Variants in KIAA0753 observed in about 807,000 individuals in gnomAD.
KIAA0753 encodes the protein protein moonraker.
KIAA0753 carries 114 observed loss-of-function variants against 116.9 expected under a neutral mutation model. That is an observed-to-expected ratio of 0.98 (90% CI 0.84 to 1.14). The LOEUF (loss-of-function observed/expected upper bound fraction) is 1.14, where lower values mean the gene tolerates loss of function less well. KIAA0753 is among the 50% of genes most tolerant of loss of function. The probability of loss-of-function intolerance (pLI) is 0.00; values close to 1 mark genes in which losing one functional copy is unlikely to be tolerated. For synonymous variants in KIAA0753, 405 were observed against 413.1 expected, an observed-to-expected ratio of 0.98 and a Z score of 0.24; for missense variants, 1,156 against 1,172.4, an observed-to-expected ratio of 0.99 and a Z score of 0.20.
At position 6,579,431 on chromosome 17, in the gene KIAA0753, C is replaced by A. The variant is rs977219894; in HGVS notation, c.*316G>T. On this transcript the variant is annotated 3_prime_UTR_variant, in exon 19 of 19. Coordinates refer to ENST00000361413, the MANE Select transcript of KIAA0753 (RefSeq NM_014804.3). The stretch of plus-strand genomic sequence containing the variant: ...CGATTATCTTTCAAAACATTTTCAT[C>A]ACCAAACTGAGCCAGAGGAATGAAC... The A allele has an allele frequency of 1.3e-5, 3 of 232,172 alleles. No individual in the cohort carries two copies. The highest frequency in any genetic ancestry group is 2.5e-5 in the Non-Finnish European group (3 of 117,860). The allele number at this position is 232,172 out of a possible 1,614,324, so 14.4% of individuals were successfully genotyped here.
At chr17:6,607,937 ACTCT>A (rs1217424387) in intron 10 of KIAA0753, among the ~76,000 whole-genome samples, 1 of 151,970 alleles carries the variant, frequency 6.6e-6, no homozygotes, top group African/African-American at 2.4e-5. Flanking sequence ...CCGTTTCTAA[ACTCT>A]CTCAGTTCCT....
At chr17:6,626,539 G>A (rs923282596) in intron 3 of KIAA0753, among the ~76,000 whole-genome samples, 2 of 152,118 alleles carry the variant, frequency 1.3e-5, no homozygotes, top group South Asian at 4.2e-4. Flanking sequence ...TAGGTGGGGG[G>A]TTTGAAGGCT....
At chr17:6,621,124 A>G in intron 6 of KIAA0753, 126 bp from the exon 7 acceptor site, 1 of 767,374 alleles carries the variant, frequency 1.3e-6, no homozygotes, top group Non-Finnish European at 2.1e-6. Flanking sequence ...CAGTTAACAC[A>G]ATCTTAATTA....
intron 9 of KIAA0753, among the ~76,000 whole-genome samples, chr17:6,609,664 A>G (rs559744287): frequency 6.6e-6 from 1 of 152,358 alleles, no homozygotes; most frequent in Non-Finnish European, 1.5e-5. Context: ...AAGAATATAA[A>G]AAAGACACAG....
At chr17:6,601,958 T>G (rs1350022314) in intron 12 of KIAA0753, among the ~76,000 whole-genome samples, 1 of 152,010 alleles carries the variant, frequency 6.6e-6, no homozygotes, top group Admixed American at 6.6e-5. Context: ...AAATCAACAC[T>G]TAAAAAAAAT....
Position 6,608,410 on chromosome 17 carries a change from G to C in KIAA0753, c.1767C>G (p.Leu589=). The change falls in exon 10 of 19, where the codon CTC becomes CTG. Residue 589 remains leucine, a synonymous_variant. Transcript: ENST00000361413. The part of the protein sequence containing the change: ...TSPRDATKEP[L]QQEDPQEESH... ...TTTCCTCTTGAGGATCTTCTTGCTG[G>C]AGAGGCTCTTTTGTGGCATCTCTGG... 1 of 1,566,232 alleles carries C rather than the reference G, an allele frequency of 6.4e-7. No individual in the cohort carries two copies. The highest frequency in any genetic ancestry group is 8.7e-7 in the Non-Finnish European group (1 of 1,151,516).
At chr17:6,625,910 C>G (rs1971637659) in intron 3 of KIAA0753, among the ~76,000 whole-genome samples, 1 of 152,056 alleles carries the variant, frequency 6.6e-6, no homozygotes, top group Non-Finnish European at 1.5e-5. Context: ...GCCTGTTGGC[C>G]AGGCTGGTCT....
At position 6,579,082 on chromosome 17, in the gene KIAA0753, C is replaced by CA. The variant is rs1373514632; in HGVS notation, c.*664dup. The stretch of plus-strand genomic sequence containing the variant: ...TTTTATACCAGATTGTGTCAACACA[C>CA]AGCAATAAAATATGCTGAGGAACTA... On this transcript the variant is annotated 3_prime_UTR_variant, in exon 19 of 19. Transcript: ENST00000361413. The CA allele has an allele frequency of 6.6e-6, 1 of 152,266 alleles. No individual in the cohort carries two copies. Among genetic ancestry groups the CA allele is most frequent in the Non-Finnish European group, 1.5e-5 (1 of 68,068 alleles). The allele number at this position is 152,266 out of a possible 1,614,324, so 9.4% of individuals were successfully genotyped here. A position where few individuals can be genotyped will look rare whatever the true frequency, so the allele number is the denominator to read the frequency against.
chr17:6,615,147 C>G (rs1380201633), intron 7 of KIAA0753, among the ~76,000 whole-genome samples: 1 of 152,120 alleles, frequency 6.6e-6, no homozygotes, highest in Non-Finnish European at 1.5e-5. Flanking sequence ...ATTGGTCAGT[C>G]TCGTCTCCAA....
chr17:6,585,911 C>T (rs34986335), intron 18 of KIAA0753, among the ~76,000 whole-genome samples: 30,978 of 152,052 alleles, frequency 0.2, 3,446 homozygotes, highest in East Asian at 0.37. Flanking sequence ...AGAATGTCAA[C>T]CAAGCCTCCT....
Position 6,611,965 on chromosome 17 carries a change from T to G in KIAA0753, c.1499A>C (p.Asn500Thr), listed in dbSNP as rs1448399150. The change falls in exon 8 of 19, where the codon AAT (asparagine) becomes ACT (threonine). Residue 500 changes from asparagine to threonine, a missense_variant. Coordinates refer to ENST00000361413, the MANE Select transcript of KIAA0753 (RefSeq NM_014804.3). ...AGTATCTTTCTTCCTAAACGGCACA[T>G]TCTCAGTCACAGGCTTCTTTTTCCC... ...KAGKKKPVTE[N>T]VPFRKKDTLA... 5.0e-6 allele frequency: 8 copies of G among 1,614,190 alleles called. No individual in the cohort carries two copies. The African/African-American group carries it at 6.7e-5, about 13-fold the overall frequency.
chr17:6,588,309 C>T (rs1316592379), intron 18 of KIAA0753, among the ~76,000 whole-genome samples: 1 of 151,976 alleles, frequency 6.6e-6, no homozygotes, highest in Non-Finnish European at 1.5e-5. Context: ...ACAGGATATG[C>T]GCCATCAAAA....
In KIAA0753 at chr17:6,635,146, G is replaced by A. The variant is rs548730289; in HGVS notation, c.-43C>T. The A allele has an allele frequency of 3.2e-5, 45 of 1,391,886 alleles. No individual in the cohort carries two copies. Among genetic ancestry groups the A allele is most frequent in the Non-Finnish European group, 3.8e-5 (37 of 978,012 alleles). The allele number at this position is 1,391,886 out of a possible 1,614,324, so 86.2% of individuals were successfully genotyped here. A position where few individuals can be genotyped will look rare whatever the true frequency, so the allele number is the denominator to read the frequency against. On this transcript the variant is annotated 5_prime_UTR_variant, in exon 2 of 19. Coordinates refer to ENST00000361413, the MANE Select transcript of KIAA0753 (RefSeq NM_014804.3). The stretch of plus-strand genomic sequence containing the variant: ...AACAATAGTGACAGCCTTGTCATCC[G>A]GCAACAGTCTTCCCTAAAACCATTC...
intron 15 of KIAA0753, among the ~76,000 whole-genome samples, chr17:6,595,503 T>C (rs956798338): frequency 1.3e-5 from 2 of 150,816 alleles, no homozygotes; most frequent in Non-Finnish European, 2.9e-5. Context: ...AAAAAAAAAA[T>C]TGTTTTCCTT....
intron 9 of KIAA0753, among the ~76,000 whole-genome samples, chr17:6,609,760 C>T (rs1027631696): frequency 3.9e-5 from 6 of 152,140 alleles, no homozygotes; most frequent in South Asian, 2.1e-4. Flanking sequence ...ACACATGTCC[C>T]GGTGTTGGGG....
Position 6,615,338 on chromosome 17 carries a change from G to T in KIAA0753, c.1316-3190C>A, listed in dbSNP as rs114591248. Among the ~76,000 whole-genome samples, 430 of 152,192 alleles carry T rather than the reference G, an allele frequency of 2.8e-3. 2 individuals are homozygous for T. Among genetic ancestry groups the T allele is most frequent in the African/African-American group, 9.9e-3 (412 of 41,520 alleles). Reference sequence around the variant, plus strand: ...GCAACTGTCTCGTATCAAACTGCTTGTGTTCAAGTAACCTTGAACTTGACT... The same window carrying T: ...GCAACTGTCTCGTATCAAACTGCTTTTGTTCAAGTAACCTTGAACTTGACT... On this transcript the variant is annotated intron_variant, in intron 7 of 18. Coordinates refer to ENST00000361413, the MANE Select transcript of KIAA0753 (RefSeq NM_014804.3).
At chr17:6,610,215 T>TA in intron 8 of KIAA0753, 55 bp from the exon 9 acceptor site, 1 of 1,582,498 alleles carries the variant, frequency 6.3e-7, no homozygotes, top group Non-Finnish European at 8.7e-7. Context: ...GAAACTATGG[T>TA]TTAACCTCTG....
chr17:6,588,970 A>T lies in KIAA0753; in HGVS notation c.2786+809T>A, dbSNP rs1968786253. On this transcript the variant is annotated intron_variant, in intron 18 of 18. Coordinates refer to ENST00000361413, the MANE Select transcript of KIAA0753 (RefSeq NM_014804.3). ...TAAAAGCAAATTTGTCCCCACCAAG[A>T]ACATGCCATGGTCATGGCTGTTTCC... 2.6e-5 allele frequency among the ~76,000 whole-genome samples: 4 copies of T among 152,160 alleles called. No individual in the cohort carries two copies. The South Asian group carries it at 8.3e-4, about 32-fold the overall frequency.
chr17:6,592,981 G>A lies in KIAA0753; in HGVS notation c.2440+1991C>T, dbSNP rs1330656106. Among the ~76,000 whole-genome samples the A allele has an allele frequency of 2.0e-5, 3 of 152,104 alleles. No individual in the cohort carries two copies. The East Asian group carries it at 5.8e-4, about 29-fold the overall frequency. ...AATGGGGAGTGAGGAAAATGTTCCA[G>A]AATTAGTTGCACAACTATGTGAATA... On this transcript the variant is annotated intron_variant, in intron 16 of 18. Coordinates refer to ENST00000361413, the MANE Select transcript of KIAA0753 (RefSeq NM_014804.3).
Sources: gnomAD v4.1 joint callset for allele counts (sites outside exome capture counted in the v4.1 genomes callset) on GRCh38, gnomAD v4.1.1 for gene constraint, MANE v1.5 for transcripts, NCBI Gene and HGNC (gene_info 2026-07-23, HGNC 2026-07-21) for gene names.